The following PLPP4 variants were observed in gnomAD, a reference collection of about 807,000 sequenced individuals.
The protein encoded by PLPP4 is diacylglycerol pyrophosphate like 2.
Under a neutral mutation model 32.2 loss-of-function variants are expected in PLPP4, and 20 were observed. The ratio of observed to expected loss-of-function variants is 0.62; its 90% CI spans 0.44 to 0.90. The LOEUF (loss-of-function observed/expected upper bound fraction) is 0.90, where lower values mean the gene tolerates loss of function less well. Among genes scored for constraint, PLPP4 ranks in the 40% least tolerant of loss-of-function variants. The pLI is 0.00. For missense variants in PLPP4, 257 were observed against 353.1 expected (o/e 0.73, Z 2.18); for synonymous variants, 127 against 133.0 (o/e 0.95, Z 0.31).
chr10:120,586,314 T>TTC (rs1261204867), intron 6 of PLPP4, among the ~76,000 whole-genome samples: 7 of 149,830 alleles, frequency 4.7e-5, no homozygotes, highest in Non-Finnish European at 3.0e-5. Context: ...TTTTTTTTTT[T>TTC]TGTAGTTTTA....
In PLPP4 at chr10:120,577,794, C is replaced by T. The variant is rs1849290338; in HGVS notation, c.616+2493C>T. ...GTTCAACTTATACCCTTGGAGTCAG[C>T]CAGGAGAGGAACACAACTTCCCTTG... On this transcript the variant is annotated intron_variant, in intron 6 of 6. Coordinates refer to ENST00000398250, the MANE Select transcript of PLPP4 (RefSeq NM_001030059.3). Among the ~76,000 whole-genome samples the T allele has an allele frequency of 2.0e-5, 3 of 152,154 alleles. 1 individual carries two copies. The highest frequency in any genetic ancestry group is 7.2e-5 in the African/African-American group (3 of 41,450).
At chr10:120,581,540 C>G (rs1342659850) in intron 6 of PLPP4, among the ~76,000 whole-genome samples, 1 of 152,216 alleles carries the variant, frequency 6.6e-6, no homozygotes, top group African/African-American at 2.4e-5. Context: ...TCTGCTCCCT[C>G]CGTACTTCTT....
intron 1 of PLPP4, among the ~76,000 whole-genome samples, chr10:120,473,565 A>G (rs184930921): frequency 7.9e-5 from 12 of 152,314 alleles, no homozygotes; most frequent in African/African-American, 2.9e-4. Flanking sequence ...ATTTATACAC[A>G]GAACTTGGGT....
chr10:120,540,463 T>C (rs984918776), intron 5 of PLPP4, among the ~76,000 whole-genome samples: 1 of 152,202 alleles, frequency 6.6e-6, no homozygotes, highest in South Asian at 2.1e-4. Context: ...CAGGAGGAAG[T>C]AGACAGACAC....
At chr10:120,473,071 G>T (rs911106759) in intron 1 of PLPP4, among the ~76,000 whole-genome samples, 1 of 152,040 alleles carries the variant, frequency 6.6e-6, no homozygotes, top group Non-Finnish European at 1.5e-5. Context: ...CCCACATCAA[G>T]ATGATCTATA....
intron 1 of PLPP4, among the ~76,000 whole-genome samples, chr10:120,470,016 C>T (rs894360587): frequency 6.6e-6 from 1 of 152,182 alleles, no homozygotes; most frequent in Non-Finnish European, 1.5e-5. Context: ...GTCAAGACCA[C>T]GTACATTTTA....
rs773990238 is a variant in PLPP4 at position 120,589,451 on chromosome 10, T to C, written c.765T>C (p.Ala255=). 5.6e-6 allele frequency: 9 copies of C among 1,613,972 alleles called. No homozygotes were observed. In the African/African-American group the frequency reaches 9.3e-5, roughly 17 times the overall value. Residue 255 remains alanine (A), a synonymous_variant, in exon 7 of 7, where the codon GCT becomes GCC. Coordinates refer to ENST00000398250, the MANE Select transcript of PLPP4 (RefSeq NM_001030059.3). ...TGAAGAAAGAGGAGAGGCCCACAGC[T>C]GACAGCGCACCCAGCTTGCCTCTGG... The part of the protein sequence containing the change: ...ASLKKEERPT[A]DSAPSLPLEG...
intron 1 of PLPP4, among the ~76,000 whole-genome samples, chr10:120,490,985 C>T (rs983463979): frequency 3.3e-5 from 5 of 152,196 alleles, no homozygotes; most frequent in African/African-American, 9.6e-5. Context: ...TTCCTGTCCT[C>T]GAGCCCCTAT....
intron 5 of PLPP4, among the ~76,000 whole-genome samples, chr10:120,538,022 C>CTGTGTG (rs1847122325): frequency 1.8e-5 from 1 of 56,352 alleles, no homozygotes; most frequent in Non-Finnish European, 4.4e-5. Context: ...CTCTCTCTCT[C>CTGTGTG]TCTCTCTCTC....
Position 120,532,288 on chromosome 10 carries a change from C to T in PLPP4, c.445+11193C>T, listed in dbSNP as rs559444270. 2.0e-5 allele frequency among the ~76,000 whole-genome samples: 3 copies of T among 152,226 alleles called. No individual in the cohort carries two copies. In the East Asian group the frequency reaches 5.8e-4, roughly 29 times the overall value. On this transcript the variant is annotated intron_variant, in intron 5 of 6. Coordinates refer to ENST00000398250, the MANE Select transcript of PLPP4 (RefSeq NM_001030059.3). ...AGTATTCCATGGTGTATATGTACCA[C>T]ATTTTGTTTATCCATTCTATCATTG...
At chr10:120,544,120 G>C (rs1294077647) in intron 5 of PLPP4, among the ~76,000 whole-genome samples, 1 of 152,120 alleles carries the variant, frequency 6.6e-6, no homozygotes, top group Non-Finnish European at 1.5e-5. Flanking sequence ...CATTCTTTCT[G>C]GGTATAAACC....
chr10:120,583,469 A>T (rs567546323), intron 6 of PLPP4, among the ~76,000 whole-genome samples: 1 of 152,254 alleles, frequency 6.6e-6, no homozygotes, highest in African/African-American at 2.4e-5. Flanking sequence ...ATTCTCAATT[A>T]TAAAATTCTC....
intron 5 of PLPP4, among the ~76,000 whole-genome samples, chr10:120,532,900 T>C (rs1846807995): frequency 6.6e-6 from 1 of 152,218 alleles, no homozygotes; most frequent in South Asian, 2.1e-4. Flanking sequence ...ATTTGGGTTG[T>C]TTCCAGCTTT....
chr10:120,519,689 T>C (rs1846072818), intron 4 of PLPP4, among the ~76,000 whole-genome samples: 1 of 152,116 alleles, frequency 6.6e-6, no homozygotes, highest in Non-Finnish European at 1.5e-5. Context: ...AGAGAGACAG[T>C]ACCCCAGCTG....
chr10:120,506,186 T>C (rs1564802543), intron 2 of PLPP4, among the ~76,000 whole-genome samples: 1 of 152,262 alleles, frequency 6.6e-6, no homozygotes, highest in Non-Finnish European at 1.5e-5. Context: ...TCTATTCTAA[T>C]GAAATAAGTT....
chr10:120,480,568 C>A (rs933955544), intron 1 of PLPP4, among the ~76,000 whole-genome samples: 4 of 152,232 alleles, frequency 2.6e-5, no homozygotes, highest in African/African-American at 9.6e-5. Context: ...AACAGGATTA[C>A]ACATGCAGTC....
chr10:120,510,976 A>G (rs1318269624), intron 2 of PLPP4, among the ~76,000 whole-genome samples: 1 of 152,202 alleles, frequency 6.6e-6, no homozygotes, highest in Non-Finnish European at 1.5e-5. Flanking sequence ...GGTGGGAACC[A>G]TGGCATTTTG....
At position 120,496,860 on chromosome 10, in the gene PLPP4, T is replaced by TGA. The variant is rs139413628; in HGVS notation, c.57-6941_57-6940dup. 2.3e-3 allele frequency among the ~76,000 whole-genome samples: 327 copies of TGA among 144,328 alleles called. 2 individuals are homozygous for TGA. The highest frequency in any genetic ancestry group is 1.8e-3 in the East Asian group (9 of 4,974). 94.7% of individuals were successfully genotyped at this position (144,328 alleles called of 152,430 possible). A position where few individuals can be genotyped will look rare whatever the true frequency, so the allele number is the denominator to read the frequency against. ...GAATTAACCAACAAGAGCATGGGAG[T>TGA]GAGAGAGAGAGAGAGAGAAAGGAAT... is the stretch of plus-strand genomic sequence containing the variant. On this transcript the variant is annotated intron_variant, in intron 1 of 6. Transcript: ENST00000398250.
At chr10:120,553,632 A>G (rs1226475122) in intron 5 of PLPP4, among the ~76,000 whole-genome samples, 2 of 152,264 alleles carry the variant, frequency 1.3e-5, no homozygotes, top group Non-Finnish European at 2.9e-5. Context: ...ACATATCTTG[A>G]GAAAGAGGCA....
Sources: allele counts gnomAD v4.1 joint callset (sites outside exome capture counted in the v4.1 genomes callset), GRCh38; gene constraint gnomAD v4.1.1; transcripts MANE v1.5; gene names NCBI Gene and HGNC (gene_info 2026-07-23, HGNC 2026-07-21).